AAGAB: variants seen among roughly 807,000 people sequenced by gnomAD.
AAGAB encodes the protein alpha- and gamma-adaptin-binding protein p34.
AAGAB carries 38 observed loss-of-function variants against 44.1 expected under a neutral mutation model. The observed-to-expected ratio is 0.86, with a 90% confidence interval of 0.67 to 1.13. The LOEUF is 1.13. AAGAB is among the 50% of genes most tolerant of loss of function. AAGAB has a pLI of 0.00. For missense variants in AAGAB, 450 were observed against 373.8 expected (o/e 1.20, Z -1.68); for synonymous variants, 131 against 131.8 (o/e 0.99, Z 0.04).
chr15:67,231,972 G>T, intron 4 of AAGAB, 75 bp from the exon 5 acceptor site: 1 of 1,281,458 alleles, frequency 7.8e-7, no homozygotes, highest in Non-Finnish European at 1.1e-6. Flanking sequence ...ACAAAAATGT[G>T]GCCAGGCACG....
intron 5 of AAGAB, among the ~76,000 whole-genome samples, chr15:67,223,271 C>G (rs898488145): frequency 5.9e-5 from 9 of 152,176 alleles, no homozygotes; most frequent in African/African-American, 2.2e-4. Context: ...AACTGGCTAC[C>G]TGCTATCTCC....
At chr15:67,221,844 T>G (rs1025103805) in intron 5 of AAGAB, among the ~76,000 whole-genome samples, 8 of 152,184 alleles carry the variant, frequency 5.3e-5, no homozygotes, top group African/African-American at 1.9e-4. Context: ...AATCTGAGTC[T>G]CAGTTTATTG....
chr15:67,202,882 C>A lies in AAGAB; in HGVS notation c.887G>T (p.Trp296Leu), dbSNP rs753393542. 6.2e-7 allele frequency: 1 copy of A among 1,614,070 alleles called. No individual in the cohort carries two copies. Among genetic ancestry groups the A allele is most frequent in the Non-Finnish European group, 8.5e-7 (1 of 1,179,946 alleles). ...VHAEKVAKAF[W>L]MAIGGDRDEI... ...ATCTCTGTCTCCCCCGATTGCCATC[C>A]AGAATGCTTTGGCCACCTGTGGAGA... Residue 296 changes from tryptophan (W) to leucine (L), a missense_variant, in exon 10 of 10, where the codon TGG becomes TTG. By Grantham distance (61) the Trp-to-Leu change is moderately conservative. Transcript: ENST00000261880.
intron 5 of AAGAB, among the ~76,000 whole-genome samples, chr15:67,222,242 G>GTGCACA (rs1555417888): frequency 5.5e-5 from 5 of 90,128 alleles, no homozygotes; most frequent in Non-Finnish European, 1.1e-4. Context: ...GCGCGCGCGC[G>GTGCACA]CACACACACA....
At chr15:67,219,117 T>C (rs1964013466) in intron 5 of AAGAB, among the ~76,000 whole-genome samples, 1 of 152,170 alleles carries the variant, frequency 6.6e-6, no homozygotes, top group South Asian at 2.1e-4. Context: ...GCTTAGCACA[T>C]GCAACCAGAT....
intron 1 of AAGAB, among the ~76,000 whole-genome samples, chr15:67,248,275 T>C (rs998638173): frequency 5.3e-5 from 8 of 152,328 alleles, no homozygotes; most frequent in East Asian, 3.9e-4. Context: ...CAGTCATCAG[T>C]TGAAATCACT....
At chr15:67,233,754 T>C (rs576322843) in intron 4 of AAGAB, among the ~76,000 whole-genome samples, 4 of 152,310 alleles carry the variant, frequency 2.6e-5, no homozygotes, top group Non-Finnish European at 5.9e-5. Context: ...TGCACTGCAA[T>C]TGATGATTTA....
At chr15:67,227,136 CGTAAATGTTCTAT>C (rs756556107) in intron 5 of AAGAB, among the ~76,000 whole-genome samples, 2 of 152,066 alleles carry the variant, frequency 1.3e-5, no homozygotes, top group Non-Finnish European at 2.9e-5. Context: ...CATGACATAA[CGTAAATGTTCTAT>C]TACTGCTCAA....
chr15:67,229,326 A>G (rs1364969855), intron 5 of AAGAB, among the ~76,000 whole-genome samples: 1 of 151,852 alleles, frequency 6.6e-6, no homozygotes, highest in Non-Finnish European at 1.5e-5. Flanking sequence ...CTGGCTACTC[A>G]GGAGGCTGAG....
At chr15:67,220,259 T>C (rs909357829) in intron 5 of AAGAB, among the ~76,000 whole-genome samples, 10 of 152,226 alleles carry the variant, frequency 6.6e-5, no homozygotes, top group African/African-American at 2.2e-4. Flanking sequence ...TTCCACACAG[T>C]CTCATTAAAA....
chr15:67,240,024 G>T (rs577218131), intron 1 of AAGAB, among the ~76,000 whole-genome samples: 1 of 152,110 alleles, frequency 6.6e-6, no homozygotes. Flanking sequence ...CTACTACACC[G>T]TGATGTTACA....
In AAGAB at chr15:67,242,417, G is replaced by A. The variant is rs563749527; in HGVS notation, c.74-5597C>T. 2.7e-5 allele frequency among the ~76,000 whole-genome samples: 2 copies of A among 75,208 alleles called. 1 individual carries two copies. Among genetic ancestry groups the A allele is most frequent in the Admixed American group, 4.4e-4 (2 of 4,510 alleles). 49.3% of individuals were successfully genotyped at this position (75,208 alleles called of 152,430 possible). A position where few individuals can be genotyped will look rare whatever the true frequency, so the allele number is the denominator to read the frequency against. On this transcript the variant is annotated intron_variant, in intron 1 of 9. Coordinates refer to ENST00000261880, the MANE Select transcript of AAGAB (RefSeq NM_024666.5). ...CGCAGTCCGGCCTGGGCGACAGAGC[G>A]AGACTCCGTCTCAAAAAAAAAAAAA...
upstream of AAGAB, chr15:67,254,903 C>G: frequency 6.2e-7 from 1 of 1,613,824 alleles, no homozygotes; most frequent in Non-Finnish European, 8.5e-7. Flanking sequence ...AGCCATGGCA[C>G]AGAACACTGA....
intron 9 of AAGAB, among the ~76,000 whole-genome samples, 160 bp from the exon 10 acceptor site, chr15:67,203,058 C>G (rs574543437): frequency 1.3e-5 from 2 of 152,138 alleles, no homozygotes; most frequent in Admixed American, 1.3e-4. Context: ...GACCCATGAT[C>G]GCCACATCTA....
chr15:67,204,799 C>G (rs1963649591), intron 7 of AAGAB, among the ~76,000 whole-genome samples: 1 of 152,224 alleles, frequency 6.6e-6, no homozygotes, highest in Non-Finnish European at 1.5e-5. Context: ...AACTCCTTCT[C>G]CACTCCAGGC....
At chr15:67,227,837 T>C (rs954873319) in intron 5 of AAGAB, among the ~76,000 whole-genome samples, 1 of 152,234 alleles carries the variant, frequency 6.6e-6, no homozygotes, top group Non-Finnish European at 1.5e-5. Flanking sequence ...ATGTCATTCA[T>C]TGTATCTTCA....
In AAGAB at chr15:67,207,379, T is replaced by C. The variant is rs142329700; in HGVS notation, c.715+1183A>G. On this transcript the variant is annotated intron_variant, in intron 7 of 9. Transcript: ENST00000261880. ...ACATCTGTATTTATTTTCTTAACTG[T>C]AAGTATATTTTTAAAGCCATGAGTT... Among the ~76,000 whole-genome samples the C allele has an allele frequency of 1.9e-3, 283 of 152,318 alleles. 1 individual carries two copies. The highest frequency in any genetic ancestry group is 5.2e-3 in the Admixed American group (80 of 15,302).
chr15:67,225,434 G>A (rs1397199601), intron 5 of AAGAB, among the ~76,000 whole-genome samples: 1 of 151,750 alleles, frequency 6.6e-6, no homozygotes, highest in East Asian at 1.9e-4. Context: ...ATAAAATCCA[G>A]CCTTTTAAAA....
intron 1 of AAGAB, among the ~76,000 whole-genome samples, chr15:67,250,905 T>A (rs1053503041): frequency 2.0e-5 from 3 of 152,090 alleles, no homozygotes; most frequent in Non-Finnish European, 4.4e-5. Context: ...TGGGCGCCTG[T>A]AGTCCCAGCT....
Sources: gnomAD v4.1 joint callset for allele counts (sites outside exome capture counted in the v4.1 genomes callset) on GRCh38, gnomAD v4.1.1 for gene constraint, MANE v1.5 for transcripts, NCBI Gene and HGNC (gene_info 2026-07-23, HGNC 2026-07-21) for gene names.